Variants in FMO5 observed in about 807,000 individuals in gnomAD.
The protein encoded by FMO5 is flavin-containing monooxygenase 5.
In FMO5, 51 loss-of-function variants were observed where a neutral mutation model predicts 43.6. The ratio of observed to expected loss-of-function variants is 1.17; its 90% CI spans 0.93 to 1.48. The LOEUF (loss-of-function observed/expected upper bound fraction) is 1.48. FMO5 is among the 40% of genes most tolerant of loss of function. FMO5 has a pLI of 0.00. For synonymous variants in FMO5, 187 were observed against 216.5 expected, an observed-to-expected ratio of 0.86 and a Z score of 1.20; for missense variants, 644 against 643.0, an observed-to-expected ratio of 1.00 and a Z score of -0.02.
At chr1:147,213,516 C>T (rs781970241) in intron 3 of FMO5, 46 bp from the exon 4 acceptor site, 2 of 1,517,820 alleles carry the variant, frequency 1.3e-6, no homozygotes, top group East Asian at 2.3e-5. Flanking sequence ...TGACATGACT[C>T]TCCTTGCATA....
chr1:147,226,627 G>T (rs1373424846), upstream of FMO5, among the ~76,000 whole-genome samples: 1 of 152,166 alleles, frequency 6.6e-6, no homozygotes, highest in Non-Finnish European at 1.5e-5. Context: ...GTGAGGGGTT[G>T]TAAGAGGCAT....
chr1:147,185,197 A>G (rs1362890471), downstream of FMO5, among the ~76,000 whole-genome samples: 6 of 152,096 alleles, frequency 3.9e-5, no homozygotes, highest in South Asian at 1.2e-3. Flanking sequence ...AACCTTGCAT[A>G]TAATATGTAC....
rs374958378 is a variant in FMO5, at chr1:147,213,957, CAT to C, written c.325-489_325-488del. The stretch of plus-strand genomic sequence containing the variant: ...GGTAGAAAAACACCTCAGTGGCTCT[CAT>C]TTTATATAAATGAATCTCCCTTTGG... On this transcript the variant is annotated intron_variant, in intron 3 of 8. Transcript: ENST00000254090. Among the ~76,000 whole-genome samples, 97 of 152,236 alleles carry C rather than the reference CAT, an allele frequency of 6.4e-4. 1 individual carries two copies. The highest frequency in any genetic ancestry group is 2.2e-3 in the African/African-American group (91 of 41,532).
rs1659471208 is a variant in FMO5 at position 147,203,764 on chromosome 1, C to T, written c.831-2260G>A. On this transcript the variant is annotated intron_variant, in intron 6 of 8. Transcript: ENST00000254090. ...AAGTATTAACACCATCATCTACTGC[C>T]CTTTCTATGTCATCCATCAGATTGT... 2.6e-6 allele frequency: 4 copies of T among 1,533,052 alleles called. No individual in the cohort carries two copies. In the Admixed American group the frequency reaches 6.7e-5, roughly 26 times the overall value. The allele number at this position is 1,533,052 out of a possible 1,614,324, so 95.0% of individuals were successfully genotyped here.
At chr1:147,216,076 C>A in intron 2 of FMO5, 134 bp from the exon 3 acceptor site, 1 of 621,984 alleles carries the variant, frequency 1.6e-6, no homozygotes, top group East Asian at 2.8e-5. Context: ...TATTTGTGCC[C>A]TTATGTAGTC....
intron 8 of FMO5, among the ~76,000 whole-genome samples, chr1:147,189,434 A>G (rs1184553201): frequency 2.0e-5 from 3 of 152,140 alleles, no homozygotes; most frequent in African/African-American, 7.2e-5. Context: ...ACGGAATTAA[A>G]TAAAAACTTA....
intron 6 of FMO5, chr1:147,203,467 A>G (rs765614930): frequency 1.2e-6 from 1 of 832,020 alleles, no homozygotes; most frequent in African/African-American, 1.7e-5. Context: ...AGCAGGGACT[A>G]CAGCCTCAGT....
chr1:147,191,377 T>C (rs587650960), intron 7 of FMO5, among the ~76,000 whole-genome samples: 195 of 152,280 alleles, frequency 1.3e-3, no homozygotes, highest in African/African-American at 4.5e-3. Context: ...ATCGCCATTC[T>C]AACTGGTGTG....
intron 7 of FMO5, among the ~76,000 whole-genome samples, chr1:147,196,535 TATAG>T (rs1206306375): frequency 2.0e-5 from 3 of 151,996 alleles, no homozygotes; most frequent in African/African-American, 7.3e-5. Context: ...TCTGTCTATA[TATAG>T]ATAGATAAAG....
At chr1:147,220,429 A>G (rs1553925978) in intron 2 of FMO5, among the ~76,000 whole-genome samples, 1 of 152,164 alleles carries the variant, frequency 6.6e-6, no homozygotes, top group Admixed American at 6.5e-5. Flanking sequence ...CTATTTTAGA[A>G]TCCAAGCTAA....
At chr1:147,200,664 G>A (rs1553920675) in intron 7 of FMO5, among the ~76,000 whole-genome samples, 9 of 151,914 alleles carry the variant, frequency 5.9e-5, no homozygotes, top group Non-Finnish European at 2.9e-5. Flanking sequence ...GAATTTGGGG[G>A]ATTGAATATC....
intron 6 of FMO5, chr1:147,204,171 C>T: frequency 2.3e-6 from 3 of 1,295,256 alleles, no homozygotes; most frequent in East Asian, 2.3e-5. Flanking sequence ...AACACTGTTC[C>T]CTTAGTTTCT....
At chr1:147,202,312 CTTTTTTTTTTT>C (rs55820230) in intron 6 of FMO5, among the ~76,000 whole-genome samples, 897 of 77,494 alleles carry the variant, frequency 0.012, 5 homozygotes, top group Middle Eastern at 0.028. Context: ...AAAAGCAGTT[CTTTTTTTTTTT>C]TTTTTTTTTT....
At chr1:147,184,675 G>T, downstream of FMO5, 2 of 1,453,084 alleles carry the variant, frequency 1.4e-6, no homozygotes, top group Non-Finnish European at 1.8e-6. This position sits in a 1 kb window ranked among gnomAD's most constrained non-coding sequence, Gnocchi z 4.4. Context: ...AGGTAAAGTG[G>T]CCTTCTCATC....
At chr1:147,212,362 G>A (rs782266652) in intron 5 of FMO5, 31 bp downstream of exon 5, 9 of 1,611,256 alleles carry the variant, frequency 5.6e-6, no homozygotes, top group Non-Finnish European at 7.6e-6. Context: ...CTAGAGTTAA[G>A]CAACGTAAAT....
In FMO5 at chr1:147,187,206, G is replaced by A; in HGVS notation, c.1296C>T (p.Tyr432=). ...ESQRHTIQGD[Y]IDTMEELADL... The stretch of plus-strand genomic sequence containing the variant: ...CAGCAAGCTCTTCCATGGTATCTAT[G>A]TAGTCTCCCTGAATGGTATGGCGTT... Residue 432 remains tyrosine (Y), a synonymous_variant, in exon 9 of 9, where the codon TAC becomes TAT. Transcript: ENST00000254090. 1 of 1,613,852 alleles carries A rather than the reference G, an allele frequency of 6.2e-7. No homozygotes were observed. The highest frequency in any genetic ancestry group is 8.5e-7 in the Non-Finnish European group (1 of 1,179,902).
intron 4 of FMO5, 146 bp downstream of exon 4, chr1:147,213,162 C>A: frequency 1.5e-6 from 1 of 679,950 alleles, no homozygotes; most frequent in East Asian, 3.1e-5. Context: ...ACAAGTTACC[C>A]CAACATCCTT....
chr1:147,215,028 G>A (rs1313566217), intron 3 of FMO5: 4 of 152,182 alleles, frequency 2.6e-5, no homozygotes, highest in African/African-American at 7.2e-5. Flanking sequence ...AGAAGGTTTG[G>A]GCTTTTTGCC....
chr1:147,221,234 A>C (rs1447551578), intron 2 of FMO5, among the ~76,000 whole-genome samples: 2 of 152,206 alleles, frequency 1.3e-5, no homozygotes, highest in African/African-American at 4.8e-5. Context: ...CTGGAACAGC[A>C]AAAGGCCATT....
Sources: gnomAD v4.1 joint callset for allele counts (sites outside exome capture counted in the v4.1 genomes callset) on GRCh38, gnomAD v4.1.1 for gene constraint, Gnocchi (gnomAD v3.1) non-coding constraint, MANE v1.5 for transcripts, NCBI Gene and HGNC (gene_info 2026-07-23, HGNC 2026-07-21) for gene names.